The following ANK2 variants were observed in gnomAD, a reference collection of about 807,000 sequenced individuals.
The protein encoded by ANK2 is ankyrin 2, also known as ankyrin-2.
In ANK2, 83 loss-of-function variants were observed where a neutral mutation model predicts 360.5. That is an observed-to-expected ratio of 0.23 (90% CI 0.19 to 0.28). The LOEUF (loss-of-function observed/expected upper bound fraction) is 0.28, where lower values mean the gene tolerates loss of function less well. Ranked by LOEUF, ANK2 falls within the 10% of genes least tolerant of loss-of-function variation. ANK2 has a pLI of 1.00. For missense variants in ANK2, 4,201 were observed against 4,795.7 expected (o/e 0.88, Z 3.66); for synonymous variants, 1,740 against 1,759.5 (o/e 0.99, Z 0.28).
intron 32 of ANK2, among the ~76,000 whole-genome samples, chr4:113,340,848 C>CAAAAAAAAAA (rs1224495854): frequency 1.3e-5 from 1 of 74,172 alleles, no homozygotes; most frequent in African/African-American, 5.1e-5. Context: ...GACAACGTCT[C>CAAAAAAAAAA]AAAAAAAAAA....
intron 1 of ANK2, among the ~76,000 whole-genome samples, chr4:112,853,095 A>C (rs187047149): frequency 1.3e-5 from 2 of 151,898 alleles, no homozygotes; most frequent in Admixed American, 6.6e-5. Flanking sequence ...TTTGAGACGA[A>C]GTCTCGCTCT....
chr4:112,987,473 T>C (rs770602952), intron 2 of ANK2, among the ~76,000 whole-genome samples: 4 of 152,062 alleles, frequency 2.6e-5, no homozygotes, highest in Non-Finnish European at 5.9e-5. Context: ...GGCAGGTCTT[T>C]GGGGGAAGGG....
At chr4:112,733,180 C>T in the ANK2 span, among the ~76,000 whole-genome samples, 1 of 152,040 alleles carries the variant, frequency 6.6e-6, no homozygotes, top group African/African-American at 2.4e-5. Context: ...CCTGCCACTG[C>T]ACTCCAGCAT....
chr4:112,972,091 A>G (rs2039741440), intron 2 of ANK2, among the ~76,000 whole-genome samples: 1 of 152,208 alleles, frequency 6.6e-6, no homozygotes, highest in South Asian at 2.1e-4. Context: ...AGAAAAATAA[A>G]TTGATATTTA....
chr4:112,713,975 A>G, the ANK2 span, among the ~76,000 whole-genome samples: 1 of 152,006 alleles, frequency 6.6e-6, no homozygotes, highest in African/African-American at 2.4e-5. Flanking sequence ...CTATTTTCCA[A>G]TGTGACTGTG....
intron 1 of ANK2, among the ~76,000 whole-genome samples, chr4:112,872,240 G>A (rs2150279078): frequency 6.6e-6 from 1 of 151,936 alleles, no homozygotes; most frequent in South Asian, 2.1e-4. Context: ...ACGTTGCCTA[G>A]GCTGGTCTCA....
rs141097122 is a variant in ANK2, at chr4:113,025,515, G to A, written c.21+121001G>A. Among the ~76,000 whole-genome samples the A allele has an allele frequency of 3.3e-5, 5 of 152,172 alleles. No homozygotes were observed. The East Asian group carries it at 5.8e-4, about 18-fold the overall frequency. ...CTTATGGATAAACTCCAAATTCCTG[G>A]CACATAATGTTCCTTCTATTCAAAA... On this transcript the variant is annotated intron_variant, in intron 2 of 30. Transcript: ENST00000503271.
At chr4:113,230,045 T>C (rs1004183354) in intron 4 of ANK2, among the ~76,000 whole-genome samples, 1 of 152,204 alleles carries the variant, frequency 6.6e-6, no homozygotes, top group African/African-American at 2.4e-5. Flanking sequence ...AATTCTAGCC[T>C]TCCGCCACCT....
intron 23 of ANK2, among the ~76,000 whole-genome samples, chr4:113,305,832 C>T (rs29309): frequency 0.78 from 118,403 of 152,136 alleles, 46,313 homozygotes; most frequent in African/African-American, 0.84. Flanking sequence ...AGTGTATTGA[C>T]ACCCAAAAAG....
At chr4:113,339,352 T>G in intron 32 of ANK2, 30 bp downstream of exon 32, 1 of 1,565,324 alleles carries the variant, frequency 6.4e-7, no homozygotes, top group Non-Finnish European at 8.8e-7. Flanking sequence ...AAAAGCCCAC[T>G]ATGATATGTT....
chr4:113,146,977 C>G (rs2096858677), intron 1 of ANK2, among the ~76,000 whole-genome samples: 1 of 152,168 alleles, frequency 6.6e-6, no homozygotes, highest in African/African-American at 2.4e-5. Flanking sequence ...GGCTTTTACT[C>G]TGACCTGAAA....
At chr4:112,822,996 A>T (rs1579051234) in intron 1 of ANK2, among the ~76,000 whole-genome samples, 1 of 152,172 alleles carries the variant, frequency 6.6e-6, no homozygotes, top group Admixed American at 6.5e-5. Context: ...TAGAATGCCC[A>T]TCTGTTAATT....
At chr4:113,024,904 A>C (rs1474737332) in intron 2 of ANK2, among the ~76,000 whole-genome samples, 1 of 152,168 alleles carries the variant, frequency 6.6e-6, no homozygotes, top group East Asian at 1.9e-4. Flanking sequence ...AATAAAAAGA[A>C]GTCTGTCTTT....
intron 1 of ANK2, among the ~76,000 whole-genome samples, chr4:112,871,116 T>C (rs1184625616): frequency 6.6e-6 from 1 of 152,180 alleles, no homozygotes; most frequent in Non-Finnish European, 1.5e-5. Context: ...TACTGCAAAG[T>C]GTTTAAGAAT....
At chr4:112,865,031 C>CAAA (rs56149739) in intron 1 of ANK2, among the ~76,000 whole-genome samples, 12 of 52,504 alleles carry the variant, frequency 2.3e-4, no homozygotes, top group African/African-American at 3.6e-4. Context: ...GACTCCATCT[C>CAAA]AAAAAAAAAA....
the ANK2 span, among the ~76,000 whole-genome samples, chr4:112,769,736 A>G: frequency 6.6e-6 from 1 of 152,236 alleles, no homozygotes; most frequent in African/African-American, 2.4e-5. Flanking sequence ...TAAGTACAGT[A>G]GATGGCCCTC....
intron 1 of ANK2, among the ~76,000 whole-genome samples, chr4:113,123,644 G>A (rs59901927): frequency 0.011 from 1,723 of 152,250 alleles, 31 homozygotes; most frequent in African/African-American, 0.038. Flanking sequence ...ATTGTGGAAA[G>A]TCTCAACAGA....
intron 2 of ANK2, chr4:112,980,222 C>T (rs2042725295): frequency 6.6e-6 from 1 of 152,432 alleles, no homozygotes; most frequent in African/African-American, 2.4e-5. Context: ...TGCGACAGCA[C>T]CTGGGCTCGG....
intron 2 of ANK2, among the ~76,000 whole-genome samples, chr4:112,924,825 A>C (rs1023565951): frequency 2.7e-5 from 4 of 150,926 alleles, no homozygotes; most frequent in African/African-American, 9.8e-5. Flanking sequence ...TTCTTACATT[A>C]AATATTTATT....
Sources: allele counts gnomAD v4.1 joint callset (sites outside exome capture counted in the v4.1 genomes callset), GRCh38; gene constraint gnomAD v4.1.1; transcripts MANE v1.5; gene names NCBI Gene and HGNC (gene_info 2026-07-23, HGNC 2026-07-21).